The following PRKCH variants were observed in gnomAD, a reference collection of about 807,000 sequenced individuals.
PRKCH encodes the protein protein kinase C eta.
A neutral mutation model predicts 82.5 loss-of-function variants in PRKCH; 28 were observed. The ratio of observed to expected loss-of-function variants is 0.34; its 90% CI spans 0.25 to 0.47. The LOEUF (loss-of-function observed/expected upper bound fraction) is 0.47, where lower values mean the gene tolerates loss of function less well. Among genes scored for constraint, PRKCH ranks in the 20% least tolerant of loss-of-function variants. The pLI, the probability that PRKCH is intolerant of heterozygous loss-of-function variation, is 1.00. For synonymous variants in PRKCH, 322 were observed against 327.4 expected (o/e 0.98, Z 0.18); for missense variants, 705 against 881.8 (o/e 0.80, Z 2.54).
At chr14:61,362,958 G>A (rs966658606) in intron 1 of PRKCH, among the ~76,000 whole-genome samples, 1 of 152,214 alleles carries the variant, frequency 6.6e-6, no homozygotes, top group East Asian at 1.9e-4. Flanking sequence ...AAGAAGGGAG[G>A]TTAGGGCAAG....
intron 9 of PRKCH, among the ~76,000 whole-genome samples, chr14:61,483,302 A>G (rs754832826): frequency 1.3e-5 from 2 of 152,228 alleles, no homozygotes; most frequent in Non-Finnish European, 2.9e-5. Flanking sequence ...CAGGACAGCC[A>G]TTGCTCATCA....
chr14:61,472,614 C>G (rs1008635416), intron 9 of PRKCH, among the ~76,000 whole-genome samples: 4 of 152,056 alleles, frequency 2.6e-5, no homozygotes, highest in African/African-American at 7.3e-5. Context: ...TGCTTGAGCC[C>G]GGGAGGTTGA....
At chr14:61,485,298 A>G (rs1277190833) in intron 9 of PRKCH, among the ~76,000 whole-genome samples, 1 of 152,164 alleles carries the variant, frequency 6.6e-6, no homozygotes, top group Non-Finnish European at 1.5e-5. Flanking sequence ...AATGAACTAC[A>G]GGAGATCCAG....
At chr14:61,451,064 C>CCTG in intron 6 of PRKCH, 93 bp downstream of exon 6, 2 of 1,425,260 alleles carry the variant, frequency 1.4e-6, no homozygotes, top group Non-Finnish European at 9.5e-7. Flanking sequence ...TGTCCTAGAA[C>CCTG]TGATGGTTTT....
intron 2 of PRKCH, among the ~76,000 whole-genome samples, chr14:61,404,111 T>C (rs1222881024): frequency 1.3e-5 from 2 of 152,206 alleles, no homozygotes; most frequent in Non-Finnish European, 1.5e-5. Flanking sequence ...GGACAGGTAG[T>C]AGGTAGGAAG....
chr14:61,279,943 G>A, intron 1 of PRKCH: 2 of 690,266 alleles, frequency 2.9e-6, no homozygotes, highest in Admixed American at 3.0e-5. Context: ...CCAAGAGCAA[G>A]GGGGGTAATT....
intron 1 of PRKCH, among the ~76,000 whole-genome samples, chr14:61,217,206 T>C (rs1170309447): frequency 6.6e-6 from 1 of 152,102 alleles, no homozygotes; most frequent in East Asian, 1.9e-4. Flanking sequence ...CTGGACAAGA[T>C]GGTGAGTCTC....
chr14:61,200,256 T>C (rs920300343), intron 1 of PRKCH, among the ~76,000 whole-genome samples: 4 of 152,096 alleles, frequency 2.6e-5, no homozygotes, highest in African/African-American at 4.8e-5. Flanking sequence ...CCATAAGAGC[T>C]TAAAACCATA....
At chr14:61,539,063 GC>G (rs1289627661) in intron 12 of PRKCH, among the ~76,000 whole-genome samples, 1 of 152,064 alleles carries the variant, frequency 6.6e-6, no homozygotes, top group East Asian at 1.9e-4. Context: ...ATTGAAATCC[GC>G]CCCATCAGTC....
intron 1 of PRKCH, among the ~76,000 whole-genome samples, chr14:61,254,942 G>T (rs2044984213): frequency 6.6e-6 from 1 of 152,142 alleles, no homozygotes; most frequent in African/African-American, 2.4e-5. Context: ...CGCCTGCCAG[G>T]TTCCAGGAAG....
Position 61,372,298 on chromosome 14 carries a change from G to A in PRKCH, c.364-18927G>A, listed in dbSNP as rs111259257. On this transcript the variant is annotated intron_variant, in intron 1 of 13. Coordinates refer to ENST00000332981, the MANE Select transcript of PRKCH (RefSeq NM_006255.5). ...TTGCTTTTAGGTCTGTTCAGCTGAC[G>A]GAACAGAGAAATAGGTGTATACTCA... 9.3e-3 allele frequency among the ~76,000 whole-genome samples: 1,411 copies of A among 152,050 alleles called. 38 individuals are homozygous for A. The highest frequency in any genetic ancestry group is 0.031 in the African/African-American group (1,302 of 41,366).
chr14:61,331,883 G>C (rs1215069968), intron 1 of PRKCH, among the ~76,000 whole-genome samples: 1 of 152,220 alleles, frequency 6.6e-6, no homozygotes, highest in Non-Finnish European at 1.5e-5. Flanking sequence ...CTTAGAGTTG[G>C]AGAGGATTTA....
intron 1 of PRKCH, chr14:61,298,876 AGAG>A (rs2045426436): frequency 6.6e-6 from 1 of 152,320 alleles, no homozygotes; most frequent in Non-Finnish European, 1.5e-5. Context: ...GGCAAGTTTT[AGAG>A]GAGGAGTGAA....
At chr14:61,446,523 C>T (rs1375582715) in intron 4 of PRKCH, among the ~76,000 whole-genome samples, 1 of 152,248 alleles carries the variant, frequency 6.6e-6, no homozygotes, top group African/African-American at 2.4e-5. Context: ...ATCTCACCTT[C>T]TCTTCTGGAA....
chr14:61,529,386 G>A, intron 11 of PRKCH, 173 bp downstream of exon 11: 1 of 646,630 alleles, frequency 1.5e-6, no homozygotes, highest in Non-Finnish European at 2.3e-6. Flanking sequence ...GGCTGAAAAT[G>A]GCCTAAGTCC....
chr14:61,230,775 C>G (rs530247110), intron 1 of PRKCH, among the ~76,000 whole-genome samples: 2 of 152,322 alleles, frequency 1.3e-5, no homozygotes, highest in African/African-American at 4.8e-5. Flanking sequence ...AGAAGGCCCC[C>G]TTCTAATTCA....
intron 2 of PRKCH, among the ~76,000 whole-genome samples, chr14:61,435,253 C>G (rs117802528): frequency 1.3e-5 from 2 of 152,162 alleles, no homozygotes; most frequent in Admixed American, 1.3e-4. Context: ...GGTTCCTTCC[C>G]GAATAAACTA....
chr14:61,390,234 C>G lies in PRKCH; in HGVS notation c.364-991C>G, dbSNP rs141016568. Among the ~76,000 whole-genome samples, 221 of 152,310 alleles carry G rather than the reference C, an allele frequency of 1.5e-3. 1 individual carries two copies. Among genetic ancestry groups the G allele is most frequent in the African/African-American group, 5.0e-3 (206 of 41,562 alleles). ...GGTGCTGTTCATCCTGGGCGCCATG[C>G]TGTATGGGGTCTTTCGGAAACTGGA... On this transcript the variant is annotated intron_variant, in intron 1 of 13. Transcript: ENST00000332981.
At chr14:61,275,343 G>A (rs1000758829) in intron 1 of PRKCH, among the ~76,000 whole-genome samples, 23 of 152,094 alleles carry the variant, frequency 1.5e-4, no homozygotes, top group Non-Finnish European at 2.5e-4. Context: ...AGATTAATGC[G>A]ACCATATAGT....
Sources: allele counts gnomAD v4.1 joint callset (sites outside exome capture counted in the v4.1 genomes callset), GRCh38; gene constraint gnomAD v4.1.1; transcripts MANE v1.5; gene names NCBI Gene and HGNC (gene_info 2026-07-23, HGNC 2026-07-21).